The following KCNJ6 variants were observed in gnomAD, a reference collection of about 807,000 sequenced individuals.
The protein encoded by KCNJ6 is potassium inwardly rectifying channel subfamily J member 6.
A neutral mutation model predicts 34.2 loss-of-function variants in KCNJ6; 9 were observed. The ratio of observed to expected loss-of-function variants is 0.26; its 90% CI spans 0.16 to 0.46. KCNJ6 has a LOEUF of 0.46. Among genes scored for constraint, KCNJ6 ranks in the 20% least tolerant of loss-of-function variants. The probability of loss-of-function intolerance (pLI) is 1.00; values close to 1 mark genes in which losing one functional copy is unlikely to be tolerated. For missense variants in KCNJ6, 236 were observed against 531.3 expected (o/e 0.44, Z 5.46); for synonymous variants, 196 against 207.1 (o/e 0.95, Z 0.46).
chr21:37,625,431 A>C lies in KCNJ6; in HGVS notation c.1000T>G (p.Tyr334Asp). 2 of 1,614,228 alleles carry C rather than the reference A, an allele frequency of 1.2e-6. No individual in the cohort carries two copies. The highest frequency in any genetic ancestry group is 1.7e-6 in the Non-Finnish European group (2 of 1,180,026). ...SYITSEILWG[Y>D]RFTPVLTLED... ...AGGGTCAGGACAGGTGTGAACCGGT[A>C]ACCCCACAGGATCTCACTGGTGATG... The change falls in exon 4 of 4, where the codon TAC becomes GAC. Residue 334 changes from tyrosine (Y) to aspartate (D), a missense_variant. Physicochemically the swap from Tyr to Asp is radical, Grantham distance 160. Transcript: ENST00000609713.
intron 3 of KCNJ6, among the ~76,000 whole-genome samples, chr21:37,665,191 T>C (rs920325460): frequency 3.3e-5 from 5 of 152,088 alleles, no homozygotes; most frequent in Admixed American, 3.3e-4. Context: ...AAGCAGATAA[T>C]GAATAGAAGT....
chr21:37,773,000 TG>T (rs2123504964), intron 2 of KCNJ6, among the ~76,000 whole-genome samples: 1 of 152,312 alleles, frequency 6.6e-6, no homozygotes, highest in East Asian at 1.9e-4. Context: ...AATTAATTAG[TG>T]GGGAGATCTA....
intron 1 of KCNJ6, among the ~76,000 whole-genome samples, chr21:37,879,663 T>C (rs1249437679): frequency 6.6e-6 from 1 of 150,828 alleles, no homozygotes; most frequent in Non-Finnish European, 1.5e-5. Flanking sequence ...CAAAGTAAAA[T>C]TATGGAACTT....
chr21:37,843,132 G>A lies in KCNJ6; in HGVS notation c.-27-2423C>T, dbSNP rs142326376. Among the ~76,000 whole-genome samples, 118 of 152,276 alleles carry A rather than the reference G, an allele frequency of 7.7e-4. 2 individuals carry two copies. The Middle Eastern group carries it at 0.017, about 22-fold the overall frequency. On this transcript the variant is annotated intron_variant, in intron 1 of 3. Transcript: ENST00000609713. ...ACATTTCTAACAAGCCCTGTTTAGT[G>A]TGTCTGTTTTCTTGAGTGTGTGTGT...
intron 2 of KCNJ6, among the ~76,000 whole-genome samples, chr21:37,782,540 C>T (rs2055174513): frequency 6.6e-6 from 1 of 152,184 alleles, no homozygotes. Context: ...GGCTGGTTCC[C>T]CCGTGTGGCT....
intron 1 of KCNJ6, among the ~76,000 whole-genome samples, chr21:37,864,176 A>G (rs975847107): frequency 5.9e-5 from 9 of 151,304 alleles, no homozygotes; most frequent in African/African-American, 1.5e-4. Flanking sequence ...CAATGGTGTG[A>G]TCTTGGCTGA....
intron 3 of KCNJ6, among the ~76,000 whole-genome samples, chr21:37,671,331 G>A (rs2054541408): frequency 6.6e-6 from 1 of 152,142 alleles, no homozygotes; most frequent in Non-Finnish European, 1.5e-5. Context: ...GAGTTCTGGG[G>A]GCTTCTGGAA....
rs137966375 is a variant in KCNJ6, at chr21:37,801,379, C to G, written c.25+39279G>C. 2.7e-3 allele frequency among the ~76,000 whole-genome samples: 414 copies of G among 152,308 alleles called. 5 individuals are homozygous for G. The highest frequency in any genetic ancestry group is 9.4e-3 in the African/African-American group (392 of 41,568). ...GCCATCTGGAGAACCCCATCCTGCA[C>G]AGTTTCAAGCAGCACTTCTGGGACG... is the stretch of plus-strand genomic sequence containing the variant. On this transcript the variant is annotated intron_variant, in intron 2 of 3. Coordinates refer to ENST00000609713, the MANE Select transcript of KCNJ6 (RefSeq NM_002240.5).
chr21:37,710,807 A>G (rs1397735528), intron 3 of KCNJ6, among the ~76,000 whole-genome samples: 1 of 152,254 alleles, frequency 6.6e-6, no homozygotes, highest in Non-Finnish European at 1.5e-5. Flanking sequence ...TGTAAACACC[A>G]CTATCTCAAA....
intron 2 of KCNJ6, among the ~76,000 whole-genome samples, chr21:37,737,169 T>C (rs1485565804): frequency 6.6e-6 from 1 of 152,180 alleles, no homozygotes; most frequent in Non-Finnish European, 1.5e-5. Flanking sequence ...CAGTGCCCGA[T>C]GGCAAGAGAA....
At chr21:37,860,455 C>A (rs2055588970) in intron 1 of KCNJ6, among the ~76,000 whole-genome samples, 1 of 152,164 alleles carries the variant, frequency 6.6e-6, no homozygotes, top group South Asian at 2.1e-4. Context: ...GGTCTGTTCC[C>A]TATATGGCAG....
intron 3 of KCNJ6, among the ~76,000 whole-genome samples, chr21:37,637,644 T>TCTTA (rs1225279986): frequency 2.0e-5 from 3 of 152,206 alleles, no homozygotes; most frequent in African/African-American, 7.2e-5. Flanking sequence ...AAGTAACTTC[T>TCTTA]CTGGGTCACA....
At chr21:37,878,004 A>G (rs747549521) in intron 1 of KCNJ6, among the ~76,000 whole-genome samples, 27 of 152,250 alleles carry the variant, frequency 1.8e-4, no homozygotes, top group Admixed American at 2.6e-4. Flanking sequence ...CAAAGAAATG[A>G]CTTAATTCTG....
rs1194693631 is a variant in KCNJ6 at position 37,617,875 on chromosome 21, C to T, written c.*7284G>A. 2 of 152,350 alleles carry T rather than the reference C, an allele frequency of 1.3e-5. No individual in the cohort carries two copies. The highest frequency in any genetic ancestry group is 2.9e-5 in the Non-Finnish European group (2 of 68,054). 9.4% of individuals were successfully genotyped at this position (152,350 alleles called of 1,614,324 possible). A position where few individuals can be genotyped will look rare whatever the true frequency, so the allele number is the denominator to read the frequency against. Reference sequence around the variant, plus strand: ...TAAAGGTCTTAATTTAGTCATCATTCCTGACCCAGGGAGGTGCTCTGTGGG... The same window carrying T: ...TAAAGGTCTTAATTTAGTCATCATTTCTGACCCAGGGAGGTGCTCTGTGGG... On this transcript the variant is annotated 3_prime_UTR_variant, in exon 4 of 4. Transcript: ENST00000609713.
chr21:37,663,236 A>G (rs558344034), intron 3 of KCNJ6, among the ~76,000 whole-genome samples: 5 of 152,306 alleles, frequency 3.3e-5, no homozygotes, highest in African/African-American at 9.6e-5. Flanking sequence ...ATCTATTTAC[A>G]TGAGTTCTGT....
intron 3 of KCNJ6, among the ~76,000 whole-genome samples, chr21:37,629,122 T>A (rs1264880930): frequency 6.6e-6 from 1 of 152,162 alleles, no homozygotes; most frequent in Non-Finnish European, 1.5e-5. Context: ...GGCCATAGAC[T>A]AGACCGTAAC....
chr21:37,629,273 T>C (rs1286933534), intron 3 of KCNJ6, among the ~76,000 whole-genome samples: 1 of 152,244 alleles, frequency 6.6e-6, no homozygotes, highest in African/African-American at 2.4e-5. Context: ...ATCATGGTTT[T>C]ATTTAATCAA....
At chr21:37,878,541 A>G (rs1398937063) in intron 1 of KCNJ6, among the ~76,000 whole-genome samples, 3 of 152,224 alleles carry the variant, frequency 2.0e-5, no homozygotes, top group African/African-American at 7.2e-5. Flanking sequence ...TACCAAGTCC[A>G]GCCCAGCCCT....
chr21:37,774,856 T>C (rs895998682), intron 2 of KCNJ6, among the ~76,000 whole-genome samples: 1 of 152,204 alleles, frequency 6.6e-6, no homozygotes, highest in Non-Finnish European at 1.5e-5. Context: ...ATCCTTTGGG[T>C]ATATACCCAG....
Sources: gnomAD v4.1 joint callset for allele counts (sites outside exome capture counted in the v4.1 genomes callset) on GRCh38, gnomAD v4.1.1 for gene constraint, MANE v1.5 for transcripts, NCBI Gene and HGNC (gene_info 2026-07-23, HGNC 2026-07-21) for gene names.